B4GALNT2: variants seen among roughly 807,000 people sequenced by gnomAD.
B4GALNT2 encodes N-acetylneuraminylgalactosylglucosyl-glucoside beta-1,4-N- acetylgalactosaminyltransferase 2.
In B4GALNT2, 42 loss-of-function variants were observed where a neutral mutation model predicts 51.1. The observed-to-expected ratio is 0.82, with a 90% CI of 0.64 to 1.06. The LOEUF is 1.06. Among genes scored for constraint, B4GALNT2 ranks in the 50% least tolerant of loss-of-function variants. B4GALNT2 has a pLI of 0.00. For synonymous variants in B4GALNT2, 253 were observed against 251.7 expected (o/e 1.01, Z -0.05); for missense variants, 602 against 633.6 (o/e 0.95, Z 0.54).
chr17:49,166,412 C>T (rs1377303005), intron 9 of B4GALNT2, among the ~76,000 whole-genome samples, 158 bp downstream of exon 9: 1 of 151,932 alleles, frequency 6.6e-6, no homozygotes, highest in Non-Finnish European at 1.5e-5. Flanking sequence ...GCCAGTGCAA[C>T]CCAGGTGGAG....
In B4GALNT2 at chr17:49,173,243, C is replaced by T. The variant is rs1008364076; in HGVS notation, c.*3515C>T. 2.6e-5 allele frequency: 4 copies of T among 152,144 alleles called. No homozygotes were observed. The highest frequency in any genetic ancestry group is 2.1e-4 in the South Asian group (1 of 4,830). 9.4% of individuals were successfully genotyped at this position (152,144 alleles called of 1,614,324 possible). ...CATCAGTTGCTCATCTGTGTGGAAT[C>T]GTAGTTGAGCATTTTCAATTAATTG... On this transcript the variant is annotated 3_prime_UTR_variant, in exon 11 of 11. Coordinates refer to ENST00000393354, the MANE Select transcript of B4GALNT2 (RefSeq NM_001159387.2).
the B4GALNT2 span, among the ~76,000 whole-genome samples, chr17:49,126,207 C>A: frequency 6.6e-6 from 1 of 152,100 alleles, no homozygotes; most frequent in African/African-American, 2.4e-5. Context: ...TACCCCCAAC[C>A]CTGTGCTCTC....
rs1470411182 is a variant in B4GALNT2 at position 49,175,807 on chromosome 17, T to G, written c.*6079T>G. The G allele has an allele frequency of 6.6e-6, 1 of 152,164 alleles. No homozygotes were observed. The highest frequency in any genetic ancestry group is 1.5e-5 in the Non-Finnish European group (1 of 68,030). The allele number at this position is 152,164 out of a possible 1,614,324, so 9.4% of individuals were successfully genotyped here. A position where few individuals can be genotyped will look rare whatever the true frequency, so the allele number is the denominator to read the frequency against. On this transcript the variant is annotated 3_prime_UTR_variant, in exon 11 of 11. Transcript: ENST00000393354. ...CTGCTAGAACAGTCACTGGGGCAACTACTTTTCACCCAGTGTCCTCTGGAA... is the reference window on the plus strand; with the variant it reads ...CTGCTAGAACAGTCACTGGGGCAACGACTTTTCACCCAGTGTCCTCTGGAA...
intron 9 of B4GALNT2, among the ~76,000 whole-genome samples, chr17:49,168,190 T>A (rs968675407): frequency 6.6e-6 from 1 of 152,164 alleles, no homozygotes; most frequent in African/African-American, 2.4e-5. Context: ...GGCTCAAACA[T>A]GAAAATGCAC....
chr17:49,147,839 T>TTA (rs150884753), intron 3 of B4GALNT2, among the ~76,000 whole-genome samples: 12,056 of 148,952 alleles, frequency 0.081, 593 homozygotes, highest in South Asian at 0.15. Context: ...TACATGTATG[T>TTA]TATATATATA....
In B4GALNT2 at chr17:49,164,205, C is replaced by T. The variant is rs2042890044; in HGVS notation, c.884C>T (p.Ala295Val). 1.2e-6 allele frequency: 2 copies of T among 1,613,610 alleles called. No individual in the cohort carries two copies. The highest frequency in any genetic ancestry group is 8.5e-7 in the Non-Finnish European group (1 of 1,179,622). ...TACCCAGACTTGACCGTAATAGTGG[C>T]TGATGACAGCCAGAAGCCCCTGGAA... ...EYYPDLTVIV[A>V]DDSQKPLEIK... Residue 295 changes from alanine to valine, a missense_variant, in exon 8 of 11, where the codon GCT becomes GTT. By Grantham distance (64) the Ala-to-Val change is moderately conservative. Coordinates refer to ENST00000393354, the MANE Select transcript of B4GALNT2 (RefSeq NM_001159387.2).
At chr17:49,131,806 C>A (rs1442794108), upstream of B4GALNT2, among the ~76,000 whole-genome samples, 1 of 152,018 alleles carries the variant, frequency 6.6e-6, no homozygotes, top group Admixed American at 6.6e-5. Context: ...ACACCGCACC[C>A]GGCCCCATTT....
chr17:49,159,342 T>TGTTTG, intron 6 of B4GALNT2, 125 bp downstream of exon 6: 3 of 1,097,548 alleles, frequency 2.7e-6, no homozygotes, highest in Non-Finnish European at 3.9e-6. Flanking sequence ...TTGTTTGTTT[T>TGTTTG]GTTTTGTTTT....
chr17:49,147,857 G>A (rs1032487535), intron 3 of B4GALNT2, among the ~76,000 whole-genome samples: 1 of 151,706 alleles, frequency 6.6e-6, no homozygotes, highest in African/African-American at 2.4e-5. Context: ...ATATGTGTGT[G>A]TGTGTGTGTA....
chr17:49,169,668 CCG>C lies in B4GALNT2; in HGVS notation c.1462_1463del (p.Arg488GlyfsTer22). ...YNTYRSNTLT[R>X]VQFKLALHYF... ...ATACATACCGGTCCAACACCCTCAC[CCG>C]GGTCCAGTTCAAGCTGGCCCTCCAC... On this transcript the variant is annotated frameshift_variant, in exon 11 of 11. Coordinates refer to ENST00000393354, the MANE Select transcript of B4GALNT2 (RefSeq NM_001159387.2). LOFTEE classifies it high-confidence loss of function. 6.2e-7 allele frequency: 1 copy of C among 1,608,480 alleles called. No individual in the cohort carries two copies. Among genetic ancestry groups the C allele is most frequent in the Non-Finnish European group, 8.5e-7 (1 of 1,176,194 alleles).
upstream of B4GALNT2, among the ~76,000 whole-genome samples, chr17:49,129,411 A>T (rs144296580): frequency 4.6e-5 from 7 of 152,238 alleles, no homozygotes; most frequent in South Asian, 6.2e-4. Context: ...ACAAGATGGG[A>T]TGGGTGGCCA....
intron 5 of B4GALNT2, among the ~76,000 whole-genome samples, chr17:49,158,149 C>G (rs796067841): frequency 1.9e-4 from 29 of 152,236 alleles, no homozygotes; most frequent in African/African-American, 6.5e-4. Context: ...CCCTTGGGGC[C>G]TGGAACAACT....
At chr17:49,133,494 T>C (rs1192899356) in intron 1 of B4GALNT2, among the ~76,000 whole-genome samples, 1 of 152,114 alleles carries the variant, frequency 6.6e-6, no homozygotes, top group Non-Finnish European at 1.5e-5. Flanking sequence ...GGTATTCTTT[T>C]ATCCGCAAAG....
In B4GALNT2 at chr17:49,142,319, A is replaced by G. The variant is rs1052405842; in HGVS notation, c.353+147A>G. 2.9e-5 allele frequency: 31 copies of G among 1,054,364 alleles called. No individual in the cohort carries two copies. The East Asian group carries it at 7.5e-4, about 26-fold the overall frequency. 65.3% of individuals were successfully genotyped at this position (1,054,364 alleles called of 1,614,324 possible). The stretch of plus-strand genomic sequence containing the variant: ...GGAGGAACTATTAGGAATGAAACAA[A>G]GAAGGAATCGAGGAAATCATCCTTA... On this transcript the variant is annotated intron_variant, in intron 3 of 10. Coordinates refer to ENST00000393354, the MANE Select transcript of B4GALNT2 (RefSeq NM_001159387.2).
rs555823384 is a variant in B4GALNT2, at chr17:49,160,577, A to C, written c.702A>C (p.Ser234=). 1.5e-5 allele frequency: 24 copies of C among 1,614,094 alleles called. No individual in the cohort carries two copies. In the African/African-American group the frequency reaches 2.7e-4, roughly 18 times the overall value. The change falls in exon 7 of 11, where the codon TCA becomes TCC. Residue 234 remains serine (S), a synonymous_variant. Transcript: ENST00000393354. ...VDIVSLESRS[S]VAKFPVTIRH... is the part of the protein sequence containing the mutation. Reference sequence around the variant, plus strand: ...CAGTGAGTCTGGAGTCCAGGTCCTCAGTGGCCAAGTTTCCAGTGACCATCC... The same window carrying C: ...CAGTGAGTCTGGAGTCCAGGTCCTCCGTGGCCAAGTTTCCAGTGACCATCC...
chr17:49,125,319 C>T, the B4GALNT2 span, among the ~76,000 whole-genome samples: 167 of 152,210 alleles, frequency 1.1e-3, 1 homozygote, highest in African/African-American at 3.5e-3. Flanking sequence ...GCCACCATTC[C>T]TGGCTAATTT....
chr17:49,123,822 A>G, the B4GALNT2 span, among the ~76,000 whole-genome samples: 2 of 152,338 alleles, frequency 1.3e-5, no homozygotes, highest in African/African-American at 4.8e-5. Flanking sequence ...ACAAAACGTG[A>G]GGCCAATTTC....
rs534419954 is a variant in B4GALNT2 at position 49,165,087 on chromosome 17, T to C, written c.954+812T>C. On this transcript the variant is annotated intron_variant, in intron 8 of 10. Transcript: ENST00000393354. ...CCTAGGCTTCCCAAAGTGCTGGGAT[T>C]ACAGGCGTGAGCCACTGTACACTGC... Among the ~76,000 whole-genome samples the C allele has an allele frequency of 2.0e-5, 3 of 152,270 alleles. No homozygotes were observed. The South Asian group carries it at 6.2e-4, about 32-fold the overall frequency.
intron 1 of B4GALNT2, among the ~76,000 whole-genome samples, chr17:49,138,150 C>T (rs2042606896): frequency 6.6e-6 from 1 of 152,174 alleles, no homozygotes; most frequent in South Asian, 2.1e-4. Flanking sequence ...CACTTAATCT[C>T]TCTAAATTTC....
Sources: gnomAD v4.1 joint callset for allele counts (sites outside exome capture counted in the v4.1 genomes callset) on GRCh38, gnomAD v4.1.1 for gene constraint, MANE v1.5 for transcripts, NCBI Gene and HGNC (gene_info 2026-07-23, HGNC 2026-07-21) for gene names.